The following HBEGF variants were observed in gnomAD, a reference collection of about 807,000 sequenced individuals.
HBEGF encodes proheparin-binding EGF-like growth factor.
Under a neutral mutation model 19.5 loss-of-function variants are expected in HBEGF, and 8 were observed. The observed-to-expected ratio is 0.41, with a 90% confidence interval of 0.24 to 0.74. The LOEUF is 0.74. Among genes scored for constraint, HBEGF ranks in the 30% least tolerant of loss-of-function variants. HBEGF has a pLI of 0.32. For missense variants in HBEGF, 207 were observed against 256.9 expected, an observed-to-expected ratio of 0.81 and a Z score of 1.33; for synonymous variants, 97 against 108.9, an observed-to-expected ratio of 0.89 and a Z score of 0.68.
intron 3 of HBEGF, among the ~76,000 whole-genome samples, 159 bp downstream of exon 3, chr5:140,342,476 C>T (rs1005580362): frequency 2.6e-5 from 4 of 152,126 alleles, no homozygotes; most frequent in East Asian, 1.9e-4. Flanking sequence ...AGGGGGCTTC[C>T]GCTGACTAAA....
In HBEGF at chr5:140,336,038, A is replaced by G; in HGVS notation, c.399-11T>C. 1.2e-6 allele frequency: 2 copies of G among 1,612,946 alleles called. No individual in the cohort carries two copies. The highest frequency in any genetic ancestry group is 8.5e-7 in the Non-Finnish European group (1 of 1,179,444). The stretch of plus-strand genomic sequence containing the variant: ...TAACCCGGGTGGCAGCTAGTTCAAG[A>G]CAGAACAAGAAGGAGATGGAGTTAG... On this transcript the variant is annotated splice_polypyrimidine_tract_variant and intron_variant, in intron 3 of 5. Coordinates refer to ENST00000230990, the MANE Select transcript of HBEGF (RefSeq NM_001945.3).
chr5:140,335,490 G>A (rs1051060351), intron 4 of HBEGF, among the ~76,000 whole-genome samples: 2 of 151,914 alleles, frequency 1.3e-5, no homozygotes, highest in Admixed American at 6.5e-5. Context: ...AGGTCCAGAC[G>A]CCTCAGAAGT....
rs920804657 is a variant in HBEGF at position 140,343,606 on chromosome 5, G to T, written c.221-794C>A. ...GTAAGGAACTGTCCAGAAGGAACTG[G>T]AACAATGATGACTCCCTCCTTCTTT... is the stretch of plus-strand genomic sequence containing the variant. On this transcript the variant is annotated intron_variant, in intron 2 of 5. Coordinates refer to ENST00000230990, the MANE Select transcript of HBEGF (RefSeq NM_001945.3). Among the ~76,000 whole-genome samples the T allele has an allele frequency of 1.3e-5, 2 of 152,192 alleles. 1 individual carries two copies. Among genetic ancestry groups the T allele is most frequent in the East Asian group, 3.8e-4 (2 of 5,200 alleles).
intron 2 of HBEGF, chr5:140,343,124 T>C: frequency 6.3e-6 from 2 of 315,012 alleles, no homozygotes; most frequent in East Asian, 6.0e-5. Flanking sequence ...CAACCTCACC[T>C]CCACCCCACT....
At chr5:140,341,792 G>T (rs1271205408) in intron 3 of HBEGF, among the ~76,000 whole-genome samples, 1 of 152,202 alleles carries the variant, frequency 6.6e-6, no homozygotes, top group East Asian at 1.9e-4. Context: ...GACGCAGGGT[G>T]TTGGCCTCAG....
At position 140,334,248 on chromosome 5, in the gene HBEGF, G is replaced by T. The variant is rs1766194656; in HGVS notation, c.*51C>A. The T allele has an allele frequency of 1.2e-5, 2 of 166,424 alleles. No individual in the cohort carries two copies. The highest frequency in any genetic ancestry group is 4.8e-5 in the African/African-American group (2 of 41,802). The allele number at this position is 166,424 out of a possible 1,614,324, so 10.3% of individuals were successfully genotyped here. On this transcript the variant is annotated 3_prime_UTR_variant, in exon 6 of 6. Coordinates refer to ENST00000230990, the MANE Select transcript of HBEGF (RefSeq NM_001945.3). ...CCTCTGCAGTCTGAAATCACCTTGT[G>T]TCTTCTCAGAGGTAGCAGTCCCCAG...
chr5:140,343,044 G>A (rs1766340115), intron 2 of HBEGF: 1 of 527,858 alleles, frequency 1.9e-6, no homozygotes, highest in African/African-American at 1.9e-5. Flanking sequence ...TCCCAAGGAA[G>A]GCATTTCACA....
At position 140,346,442 on chromosome 5, in the gene HBEGF, T is replaced by C; in HGVS notation, c.-114A>G. On this transcript the variant is annotated 5_prime_UTR_variant, in exon 1 of 6. Transcript: ENST00000230990. The surrounding 1 kb of genome is among the most constrained non-coding windows in gnomAD (Gnocchi z 6.1). ...TCAGGAGATTCCGCCGGGCACCGTCTGCCGCCCGCCTCTGCGTGCAAGCCT... is the reference window on the plus strand; with the variant it reads ...TCAGGAGATTCCGCCGGGCACCGTCCGCCGCCCGCCTCTGCGTGCAAGCCT... 1 of 1,169,418 alleles carries C rather than the reference T, an allele frequency of 8.6e-7. No individual in the cohort carries two copies. The highest frequency in any genetic ancestry group is 1.2e-6 in the Non-Finnish European group (1 of 815,418). 72.4% of individuals were successfully genotyped at this position (1,169,418 alleles called of 1,614,324 possible).
At chr5:140,342,400 A>C (rs1408125863) in intron 3 of HBEGF, among the ~76,000 whole-genome samples, 1 of 152,164 alleles carries the variant, frequency 6.6e-6, no homozygotes, top group Non-Finnish European at 1.5e-5. Flanking sequence ...GGCAAGCAGG[A>C]AATGTCCCCA....
chr5:140,346,014 G>A lies in HBEGF; in HGVS notation c.117C>T (p.Asn39=). ...LRRGLAAGTS[N]PDPPTVSTDQ... ...CCGTGGATACAGTGGGAGGGTCCGG[G>A]TTGCTGGTTCCAGCAGCTAGCCCTC... The change falls in exon 2 of 6, where the codon AAC becomes AAT. Residue 39 remains asparagine (N), a synonymous_variant. Coordinates refer to ENST00000230990, the MANE Select transcript of HBEGF (RefSeq NM_001945.3). The surrounding 1 kb of genome is among the most constrained non-coding windows in gnomAD (Gnocchi z 6.1). 1 of 1,614,158 alleles carries A rather than the reference G, an allele frequency of 6.2e-7. No homozygotes were observed. Among genetic ancestry groups the A allele is most frequent in the East Asian group, 2.2e-5 (1 of 44,882 alleles).
chr5:140,340,566 G>C (rs558852324), intron 3 of HBEGF, among the ~76,000 whole-genome samples: 4 of 111,416 alleles, frequency 3.6e-5, no homozygotes, highest in Non-Finnish European at 6.6e-5. Context: ...ATGGGAGACA[G>C]AGTGAGACTC....
chr5:140,344,136 TAAAAAAAA>T (rs5871732), intron 2 of HBEGF, among the ~76,000 whole-genome samples: 3 of 138,436 alleles, frequency 2.2e-5, no homozygotes, highest in Non-Finnish European at 3.2e-5. Context: ...AGACTATGTT[TAAAAAAAA>T]AAAAAAGAAA....
rs1245423493 is a variant in HBEGF, at chr5:140,345,908, C to G, written c.220+3G>C. On this transcript the variant is annotated splice_donor_region_variant and intron_variant, in intron 2 of 5. Coordinates refer to ENST00000230990, the MANE Select transcript of HBEGF (RefSeq NM_001945.3). ...TCCAAGGATGGGGGGCCTCCACACC[C>G]ACCTCTCAAAAGGTCCAGATCTGCC... The G allele has an allele frequency of 4.3e-6, 7 of 1,613,988 alleles. No homozygotes were observed. The highest frequency in any genetic ancestry group is 5.9e-6 in the Non-Finnish European group (7 of 1,179,996).
In HBEGF at chr5:140,342,800, G is replaced by A. The variant is rs1223444810; in HGVS notation, c.233C>T (p.Ser78Phe). ...TGGTGTGGCCAGTGCTTGTGGCTTG[G>A]AGGATAAAGTGACTGTAGGAGAAAA... ...DLDLLRVTLS[S>F]KPQALATPNK... The change falls in exon 3 of 6, where the codon TCC (serine) becomes TTC (phenylalanine). Residue 78 changes from serine to phenylalanine, a missense_variant. Physicochemically the swap from Ser to Phe is radical, Grantham distance 155 (BLOSUM62 -2). Around this residue, in one of 3 missense-constraint regions of HBEGF, gnomAD observed 127 missense variants for 132.7 expected, o/e 0.96. Transcript: ENST00000230990. 2 of 1,614,182 alleles carry A rather than the reference G, an allele frequency of 1.2e-6. No individual in the cohort carries two copies. Among genetic ancestry groups the A allele is most frequent in the Non-Finnish European group, 1.7e-6 (2 of 1,180,028 alleles).
Position 140,346,502 on chromosome 5 carries a change from T to A in HBEGF, c.-174A>T. 1.4e-6 allele frequency: 1 copy of A among 713,198 alleles called. No homozygotes were observed. The highest frequency in any genetic ancestry group is 2.3e-6 in the Non-Finnish European group (1 of 430,586). 44.2% of individuals were successfully genotyped at this position (713,198 alleles called of 1,614,324 possible). ...CCAGGCGCAGCTCGCTCTTCTTGAG[T>A]GTCTTGTCTTGCTCACTCAGCCCGC... On this transcript the variant is annotated 5_prime_UTR_variant, in exon 1 of 6. Coordinates refer to ENST00000230990, the MANE Select transcript of HBEGF (RefSeq NM_001945.3). This position sits in a 1 kb window ranked among gnomAD's most constrained non-coding sequence, Gnocchi z 6.1.
chr5:140,339,178 C>G (rs1247919101), intron 3 of HBEGF, among the ~76,000 whole-genome samples: 1 of 152,130 alleles, frequency 6.6e-6, no homozygotes, highest in Non-Finnish European at 1.5e-5. Flanking sequence ...ATGGGGCACC[C>G]AAGTCAGATG....
chr5:140,335,011 A>G, intron 4 of HBEGF: 1 of 536,734 alleles, frequency 1.9e-6, no homozygotes, highest in South Asian at 2.1e-5. Flanking sequence ...GACAAACATT[A>G]CAATCACTAC....
rs1766402166 is a variant in HBEGF at position 140,346,419 on chromosome 5, A to G, written c.-91T>C. The G allele has an allele frequency of 7.0e-7, 1 of 1,422,430 alleles. No homozygotes were observed. The highest frequency in any genetic ancestry group is 9.6e-7 in the Non-Finnish European group (1 of 1,037,652). The allele number at this position is 1,422,430 out of a possible 1,614,324, so 88.1% of individuals were successfully genotyped here. A position where few individuals can be genotyped will look rare whatever the true frequency, so the allele number is the denominator to read the frequency against. On this transcript the variant is annotated 5_prime_UTR_variant, in exon 1 of 6. Transcript: ENST00000230990. This position sits in a 1 kb window ranked among gnomAD's most constrained non-coding sequence, Gnocchi z 6.1. ...GCACCAGAGCTGGGCGGCGGAGCTC[A>G]GGAGATTCCGCCGGGCACCGTCTGC...
intron 3 of HBEGF, 109 bp from the exon 4 acceptor site, chr5:140,336,136 T>G (rs1425159348): frequency 9.0e-7 from 1 of 1,113,558 alleles, no homozygotes. Context: ...AGCCTGTCAA[T>G]CCCTGACCAC....
Sources: allele counts gnomAD v4.1 joint callset (sites outside exome capture counted in the v4.1 genomes callset), GRCh38; gene constraint gnomAD v4.1.1; regional missense constraint gnomAD v4.1.1; non-coding constraint Gnocchi (gnomAD v3.1); transcripts MANE v1.5; gene names NCBI Gene and HGNC (gene_info 2026-07-23, HGNC 2026-07-21).